RUNX3: variants seen among roughly 807,000 people sequenced by gnomAD.
RUNX3 encodes runt-related transcription factor 3.
In RUNX3, 10 loss-of-function variants were observed where a neutral mutation model predicts 27.7. That is an observed-to-expected ratio of 0.36 (90% CI 0.22 to 0.61). The LOEUF (loss-of-function observed/expected upper bound fraction) is 0.61. Ranked by LOEUF, RUNX3 falls within the 20% of genes least tolerant of loss-of-function variation. RUNX3 has a pLI of 0.72. For missense variants in RUNX3, 469 were observed against 629.5 expected, an observed-to-expected ratio of 0.75 and a Z score of 2.73; for synonymous variants, 270 against 269.2, an observed-to-expected ratio of 1.00 and a Z score of -0.03.
intron 1 of RUNX3, chr1:24,929,349 C>T (rs1641164811): frequency 1.4e-6 from 1 of 694,360 alleles, no homozygotes; most frequent in African/African-American, 1.8e-5. Flanking sequence ...ACGCAAGGCG[C>T]CCCAAAACCC....
At position 24,900,286 on chromosome 1, in the gene RUNX3, C is replaced by CT. The variant is rs1328041211; in HGVS notation, c.*1835dup. On this transcript the variant is annotated 3_prime_UTR_variant, in exon 5 of 5. Coordinates refer to ENST00000308873, the MANE Select transcript of RUNX3 (RefSeq NM_004350.3). ...GAATGGAATAGGATCACCAGAAGGA[C>CT]TGCCTAACCTGCCAGTGTGTCTCTG... The CT allele has an allele frequency of 6.6e-6, 1 of 152,356 alleles. No homozygotes were observed. The highest frequency in any genetic ancestry group is 2.4e-5 in the African/African-American group (1 of 41,462). The allele number at this position is 152,356 out of a possible 1,614,324, so 9.4% of individuals were successfully genotyped here.
At position 24,904,279 on chromosome 1, in the gene RUNX3, T is replaced by C. The variant is rs137929582; in HGVS notation, c.704-1613A>G. Among the ~76,000 whole-genome samples, 640 of 152,308 alleles carry C rather than the reference T, an allele frequency of 4.2e-3. 5 individuals carry two copies. Among genetic ancestry groups the C allele is most frequent in the Non-Finnish European group, 7.9e-3 (535 of 68,008 alleles). On this transcript the variant is annotated intron_variant, in intron 4 of 4. Coordinates refer to ENST00000308873, the MANE Select transcript of RUNX3 (RefSeq NM_004350.3). This position sits in a 1 kb window ranked among gnomAD's most constrained non-coding sequence, Gnocchi z 5.7. ...AGGTGTGTGTGACTTCGGCTGGGAC[T>C]TGGAACTTCTCGGGGCTTTGGGGTC...
At position 24,927,661 on chromosome 1, in the gene RUNX3, A is replaced by T. The variant is rs1399961004; in HGVS notation, c.352T>A (p.Ser118Thr). Residue 118 changes from serine (S) to threonine (T), a missense_variant, in exon 2 of 5, where the codon TCC (serine) becomes ACC (threonine). By Grantham distance (58) the Ser-to-Thr change is moderately conservative (BLOSUM62 1). This residue lies in a region of RUNX3 where 75 missense variants were observed against 168.5 expected (regional missense o/e 0.45). Coordinates refer to ENST00000308873, the MANE Select transcript of RUNX3 (RefSeq NM_004350.3). The surrounding 1 kb of genome is among the most constrained non-coding windows in gnomAD (Gnocchi z 5.0). ...GCCGAGGCATTGCGCAGCTCAGCGG[A>T]GTAGTTCTCGTCATTGCCTGCCATC... ...TVMAGNDENYSAELRNASAVM... is the reference protein window; with the variant it reads ...TVMAGNDENYTAELRNASAVM... 2 of 1,614,140 alleles carry T rather than the reference A, an allele frequency of 1.2e-6. No individual in the cohort carries two copies.
chr1:24,926,652 G>T (rs938435698), intron 2 of RUNX3, among the ~76,000 whole-genome samples: 1 of 152,210 alleles, frequency 6.6e-6, no homozygotes, highest in East Asian at 1.9e-4. Flanking sequence ...CTGTTTATTG[G>T]TGATGAAAAG....
upstream of RUNX3, among the ~76,000 whole-genome samples, chr1:24,930,791 G>T (rs115622245): frequency 0.017 from 2,520 of 152,314 alleles, 88 homozygotes; most frequent in African/African-American, 0.058. This position sits in a 1 kb window ranked among gnomAD's most constrained non-coding sequence, Gnocchi z 4.1. Context: ...TGACCCAAGA[G>T]CCTCCACCCC....
At chr1:24,930,890 C>G (rs563745163), upstream of RUNX3, among the ~76,000 whole-genome samples, 1 of 152,142 alleles carries the variant, frequency 6.6e-6, no homozygotes, top group Non-Finnish European at 1.5e-5. The surrounding 1 kb of genome is among the most constrained non-coding windows in gnomAD (Gnocchi z 4.1). Context: ...TCGGTGGCCC[C>G]TGTGCCAAAC....
intron 2 of RUNX3, among the ~76,000 whole-genome samples, chr1:24,926,557 C>T (rs1302947755): frequency 2.0e-5 from 3 of 152,230 alleles, no homozygotes; most frequent in East Asian, 1.9e-4. Context: ...ATACATCGAA[C>T]GGCTGGAAAG....
intron 2 of RUNX3, among the ~76,000 whole-genome samples, chr1:24,952,821 G>A (rs1049086944): frequency 1.3e-5 from 2 of 152,196 alleles, no homozygotes; most frequent in East Asian, 1.9e-4. Flanking sequence ...GGCAGATCCG[G>A]TAGACAAACC....
Position 24,902,736 on chromosome 1 carries a change from C to A in RUNX3, c.704-70G>T. 2 of 1,371,836 alleles carry A rather than the reference C, an allele frequency of 1.5e-6. No individual in the cohort carries two copies. The highest frequency in any genetic ancestry group is 2.0e-6 in the Non-Finnish European group (2 of 1,024,306). The allele number at this position is 1,371,836 out of a possible 1,614,324, so 85.0% of individuals were successfully genotyped here. A position where few individuals can be genotyped will look rare whatever the true frequency, so the allele number is the denominator to read the frequency against. ...CCAGGAGGGCTTCCTGAAGAATGAC[C>A]TTGGGCTCTGGTTCCCAAGGCCCAT... On this transcript the variant is annotated intron_variant, in intron 4 of 4. Transcript: ENST00000308873. This position sits in a 1 kb window ranked among gnomAD's most constrained non-coding sequence, Gnocchi z 9.2.
intron 4 of RUNX3, 84 bp downstream of exon 4, chr1:24,907,175 G>A (rs1640680011): frequency 2.8e-6 from 4 of 1,411,192 alleles, no homozygotes; most frequent in Non-Finnish European, 3.8e-6. Flanking sequence ...CTTCGGACAG[G>A]CTTTTGGTCT....
In RUNX3 at chr1:24,919,280, T is replaced by C. The variant is rs970823329; in HGVS notation, c.504A>G (p.Arg168=). 1.6e-5 allele frequency: 26 copies of C among 1,603,784 alleles called. No homozygotes were observed. The highest frequency in any genetic ancestry group is 1.9e-5 in the Non-Finnish European group (22 of 1,175,852). ...GTCCGTCCACGGTCACCTTGATGGC[T>C]CGGTGGTAGGTCGCCACTTGGGTGG... ...TNPTQVATYH[R]AIKVTVDGPR... is the part of the protein sequence containing the mutation. The change falls in exon 3 of 5, where the codon CGA becomes CGG. Residue 168 remains arginine (R), a synonymous_variant. Coordinates refer to ENST00000308873, the MANE Select transcript of RUNX3 (RefSeq NM_004350.3).
rs1327509618 is a variant in RUNX3, at chr1:24,899,929, G to A, written c.*2193C>T. On this transcript the variant is annotated 3_prime_UTR_variant, in exon 5 of 5. Coordinates refer to ENST00000308873, the MANE Select transcript of RUNX3 (RefSeq NM_004350.3). ...ACTTTGGGCCTTACAGACTCAGTACGGCTGCCGTCACTTTTTGTCAGGGGA... is the reference window on the plus strand; with the variant it reads ...ACTTTGGGCCTTACAGACTCAGTACAGCTGCCGTCACTTTTTGTCAGGGGA... The A allele has an allele frequency of 1.3e-5, 2 of 152,404 alleles. No individual in the cohort carries two copies. Among genetic ancestry groups the A allele is most frequent in the African/African-American group, 4.8e-5 (2 of 41,430 alleles). 9.4% of individuals were successfully genotyped at this position (152,404 alleles called of 1,614,324 possible).
rs1242225931 is a variant in RUNX3 at position 24,904,932 on chromosome 1, A to G, written c.704-2266T>C. On this transcript the variant is annotated intron_variant, in intron 4 of 4. Coordinates refer to ENST00000308873, the MANE Select transcript of RUNX3 (RefSeq NM_004350.3). The surrounding 1 kb of genome is among the most constrained non-coding windows in gnomAD (Gnocchi z 5.7). ...GCACTGTCGAGTGGCCAATCCCAAC[A>G]GTGGAAAGAAATGTTTATTTTCTTC... Among the ~76,000 whole-genome samples the G allele has an allele frequency of 6.6e-6, 1 of 152,170 alleles. No individual in the cohort carries two copies. The highest frequency in any genetic ancestry group is 1.5e-5 in the Non-Finnish European group (1 of 68,012).
At position 24,930,038 on chromosome 1, in the gene RUNX3, C is replaced by G; in HGVS notation, c.-170G>C. The G allele has an allele frequency of 1.0e-6, 1 of 981,348 alleles. No individual in the cohort carries two copies. Among genetic ancestry groups the G allele is most frequent in the Non-Finnish European group, 1.2e-6 (1 of 828,350 alleles). 60.8% of individuals were successfully genotyped at this position (981,348 alleles called of 1,614,324 possible). A position where few individuals can be genotyped will look rare whatever the true frequency, so the allele number is the denominator to read the frequency against. On this transcript the variant is annotated 5_prime_UTR_variant, in exon 1 of 5. Transcript: ENST00000308873. The surrounding 1 kb of genome is among the most constrained non-coding windows in gnomAD (Gnocchi z 4.1). Reference sequence around the variant, plus strand: ...GGCGCCCGGCCACTACTCGCCAGGGCCCGCCCGCTGCGAGGCCTCGCTGGC... The same window carrying G: ...GGCGCCCGGCCACTACTCGCCAGGGGCCGCCCGCTGCGAGGCCTCGCTGGC...
At chr1:24,945,114 G>T (rs1189134318) in intron 2 of RUNX3, among the ~76,000 whole-genome samples, 1 of 152,120 alleles carries the variant, frequency 6.6e-6, no homozygotes, top group African/African-American at 2.4e-5. Flanking sequence ...TGTTACATTC[G>T]CAGATAGAGT....
chr1:24,922,026 C>T (rs1202708993), intron 2 of RUNX3, among the ~76,000 whole-genome samples: 1 of 152,168 alleles, frequency 6.6e-6, no homozygotes, highest in Non-Finnish European at 1.5e-5. Context: ...TCATAGCTCA[C>T]TGCAGCCTGG....
upstream of RUNX3, among the ~76,000 whole-genome samples, chr1:24,930,697 G>A (rs1441699618): frequency 6.6e-6 from 1 of 152,194 alleles, no homozygotes; most frequent in Admixed American, 6.5e-5. This position sits in a 1 kb window ranked among gnomAD's most constrained non-coding sequence, Gnocchi z 4.1. Flanking sequence ...CCGGGCTGGG[G>A]GCCGCGGGGT....
intron 2 of RUNX3, among the ~76,000 whole-genome samples, chr1:24,941,532 G>A (rs1641479756): frequency 6.6e-6 from 1 of 152,234 alleles, no homozygotes; most frequent in South Asian, 2.1e-4. Flanking sequence ...ACGTGTTCAA[G>A]TTCACACCCT....
chr1:24,951,955 C>G (rs1641778375), intron 2 of RUNX3, among the ~76,000 whole-genome samples: 1 of 152,246 alleles, frequency 6.6e-6, no homozygotes, highest in East Asian at 1.9e-4. Context: ...GAAGACAGAG[C>G]CAGAACCTGT....
Sources: allele counts gnomAD v4.1 joint callset (sites outside exome capture counted in the v4.1 genomes callset), GRCh38; gene constraint gnomAD v4.1.1; regional missense constraint gnomAD v4.1.1; non-coding constraint Gnocchi (gnomAD v3.1); transcripts MANE v1.5; gene names NCBI Gene and HGNC (gene_info 2026-07-23, HGNC 2026-07-21).